RNF111: variants seen among roughly 807,000 people sequenced by gnomAD.
The protein encoded by RNF111 is ring finger protein 111.
Under a neutral mutation model 95.1 loss-of-function variants are expected in RNF111, and 17 were observed. The observed-to-expected ratio is 0.18, with a 90% CI of 0.12 to 0.27. The LOEUF (loss-of-function observed/expected upper bound fraction) is 0.27. Ranked by LOEUF, RNF111 falls within the 10% of genes least tolerant of loss-of-function variation. The pLI is 1.00. For missense variants in RNF111, 1,189 were observed against 1,210.4 expected, an observed-to-expected ratio of 0.98 and a Z score of 0.26; for synonymous variants, 440 against 414.8, an observed-to-expected ratio of 1.06 and a Z score of -0.74.
At chr15:59,062,600 T>C in intron 5 of RNF111, among the ~76,000 whole-genome samples, 1 of 152,244 alleles carries the variant, frequency 6.6e-6, no homozygotes, top group East Asian at 1.9e-4. Context: ...TACCCTCTAG[T>C]GGATAGCAAT....
chr15:59,008,000 A>G (rs2039618339), intron 1 of RNF111, among the ~76,000 whole-genome samples: 1 of 151,892 alleles, frequency 6.6e-6, no homozygotes, highest in African/African-American at 2.4e-5. Context: ...GGAGGTTTTG[A>G]TTTTGATAAA....
intron 10 of RNF111, among the ~76,000 whole-genome samples, chr15:59,089,384 G>A (rs1266940840): frequency 2.0e-5 from 3 of 152,104 alleles, no homozygotes; most frequent in Non-Finnish European, 4.4e-5. Context: ...TTTTAATAAA[G>A]CTCTCTGAAA....
chr15:59,096,522 A>G lies in RNF111; in HGVS notation c.*1622A>G, dbSNP rs1283244746. 19 of 154,686 alleles carry G rather than the reference A, an allele frequency of 1.2e-4. No individual in the cohort carries two copies. Among genetic ancestry groups the G allele is most frequent in the African/African-American group, 4.3e-4 (18 of 41,682 alleles). The allele number at this position is 154,686 out of a possible 1,614,324, so 9.6% of individuals were successfully genotyped here. The stretch of plus-strand genomic sequence containing the variant: ...TGATCTCACTCAAATTGACATTTGC[A>G]TAATTTGACATTTATATTCATTCAG... On this transcript the variant is annotated 3_prime_UTR_variant, in exon 14 of 14. Transcript: ENST00000348370.
At chr15:58,992,232 A>G (rs187565046) in intron 1 of RNF111, among the ~76,000 whole-genome samples, 21 of 152,130 alleles carry the variant, frequency 1.4e-4, no homozygotes, top group African/African-American at 5.1e-4. Context: ...TTTAGTAGAA[A>G]CGGTTTTTCA....
intron 8 of RNF111, among the ~76,000 whole-genome samples, chr15:59,083,618 T>G (rs2078813273): frequency 6.6e-6 from 1 of 151,780 alleles, no homozygotes; most frequent in Admixed American, 6.6e-5. Flanking sequence ...TGAAAAAAAA[T>G]GCACAGGGTT....
At chr15:59,083,293 A>G (rs550901104) in intron 8 of RNF111, among the ~76,000 whole-genome samples, 1 of 152,154 alleles carries the variant, frequency 6.6e-6, no homozygotes, top group African/African-American at 2.4e-5. Context: ...CATGTCTGTA[A>G]TCCCAGCACT....
chr15:59,042,758 A>G (rs2141877299), intron 2 of RNF111, among the ~76,000 whole-genome samples: 1 of 152,132 alleles, frequency 6.6e-6, no homozygotes. Context: ...CTGTTTATGG[A>G]GTTTTTACTC....
intron 13 of RNF111, among the ~76,000 whole-genome samples, chr15:59,093,164 A>G (rs561834588): frequency 6.6e-6 from 1 of 152,284 alleles, no homozygotes; most frequent in East Asian, 1.9e-4. Flanking sequence ...TATACTGCCT[A>G]TTGTAGGGCC....
At chr15:59,023,764 G>A (rs949093728) in intron 1 of RNF111, among the ~76,000 whole-genome samples, 2 of 152,024 alleles carry the variant, frequency 1.3e-5, no homozygotes, top group Non-Finnish European at 2.9e-5. Context: ...AATGCCTATA[G>A]TGTTTCACTA....
chr15:58,997,882 GT>G (rs1175791345), intron 1 of RNF111, among the ~76,000 whole-genome samples: 15 of 151,144 alleles, frequency 9.9e-5, no homozygotes, highest in African/African-American at 2.7e-4. Flanking sequence ...GTGTGTATGT[GT>G]TTTTTTTGTT....
At chr15:59,085,826 G>T (rs895913033) in intron 10 of RNF111, 41 bp downstream of exon 10, 1 of 1,568,346 alleles carries the variant, frequency 6.4e-7, no homozygotes. Flanking sequence ...TGTTCTAAAA[G>T]TTCCTTTTCT....
Position 59,066,343 on chromosome 15 carries a change from G to A in RNF111, c.1367-421G>A, listed in dbSNP as rs139227387. ...TGGCACTATCAGCCGGGGTGTGGTG[G>A]CTCACGCCTGTAATCCCAGCACTTT... On this transcript the variant is annotated intron_variant, in intron 5 of 13. Transcript: ENST00000348370. Among the ~76,000 whole-genome samples the A allele has an allele frequency of 1.2e-4, 18 of 152,288 alleles. No homozygotes were observed. In the East Asian group the frequency reaches 3.5e-3, roughly 29 times the overall value.
At position 59,028,380 on chromosome 15, in the gene RNF111, G is replaced by GT. The variant is rs546399306; in HGVS notation, c.-19-2414dup. Among the ~76,000 whole-genome samples the GT allele has an allele frequency of 2.8e-3, 422 of 148,396 alleles. 1 individual carries two copies. Among genetic ancestry groups the GT allele is most frequent in the African/African-American group, 8.1e-3 (327 of 40,546 alleles). Reference sequence around the variant, plus strand: ...CAGTGGATGCCTGAAACCATATAGTGTTTTTTTTTTCATATACCTACATGC... The same window carrying GT: ...CAGTGGATGCCTGAAACCATATAGTGTTTTTTTTTTTCATATACCTACATGC... On this transcript the variant is annotated intron_variant, in intron 1 of 13. Transcript: ENST00000348370.
rs746740966 is a variant in RNF111, at chr15:59,085,798, A to G, written c.2550+13A>G. 27 of 1,609,350 alleles carry G rather than the reference A, an allele frequency of 1.7e-5. No homozygotes were observed. Among genetic ancestry groups the G allele is most frequent in the Non-Finnish European group, 2.2e-5 (26 of 1,177,536 alleles). ...TCTTCCTTTAATGGTAAAATGGAAA[A>G]TTTTCAAAATTTTGACATGTTCTAA... On this transcript the variant is annotated intron_variant, in intron 10 of 13. Coordinates refer to ENST00000348370, the MANE Select transcript of RNF111 (RefSeq NM_017610.8).
intron 1 of RNF111, among the ~76,000 whole-genome samples, chr15:59,021,548 T>C (rs1203481551): frequency 6.6e-6 from 1 of 152,200 alleles, no homozygotes; most frequent in East Asian, 1.9e-4. Context: ...TTTAGGAAAG[T>C]AATTAATAAT....
Position 59,031,238 on chromosome 15 carries a change from C to A in RNF111, c.416C>A (p.Ser139Tyr), listed in dbSNP as rs1222829657. ...DNDSSFSDCLSSPSSSLHFGD... is the reference protein window; with the variant it reads ...DNDSSFSDCLYSPSSSLHFGD... The stretch of plus-strand genomic sequence containing the variant: ...GATTCCTCTTTTAGTGATTGTCTTT[C>A]TTCTCCTTCATCTAGTCTGCATTTT... The change falls in exon 2 of 14, where the codon TCT (serine) becomes TAT (tyrosine). Residue 139 changes from serine to tyrosine, a missense_variant. Coordinates refer to ENST00000348370, the MANE Select transcript of RNF111 (RefSeq NM_017610.8). The A allele has an allele frequency of 1.2e-6, 2 of 1,614,034 alleles. No homozygotes were observed. Among genetic ancestry groups the A allele is most frequent in the Admixed American group, 1.7e-5 (1 of 59,994 alleles).
Position 59,091,050 on chromosome 15 carries a change from C to T in RNF111, c.2644-9C>T. On this transcript the variant is annotated splice_polypyrimidine_tract_variant and intron_variant, in intron 11 of 13. Coordinates refer to ENST00000348370, the MANE Select transcript of RNF111 (RefSeq NM_017610.8). ...GGCTTTTACCAGTCATTATATTCTT[C>T]ACTTTCAGGAACTGATTCATTTGGA... The T allele has an allele frequency of 6.4e-7, 1 of 1,559,384 alleles. No homozygotes were observed. Among genetic ancestry groups the T allele is most frequent in the Non-Finnish European group, 8.8e-7 (1 of 1,133,122 alleles).
At chr15:59,049,089 A>G (rs1043045515) in intron 2 of RNF111, among the ~76,000 whole-genome samples, 4 of 152,120 alleles carry the variant, frequency 2.6e-5, no homozygotes, top group Non-Finnish European at 4.4e-5. Context: ...TCTCACACAC[A>G]CACAAAAAAG....
chr15:59,029,911 T>G (rs1393106041), intron 1 of RNF111, among the ~76,000 whole-genome samples: 2 of 152,246 alleles, frequency 1.3e-5, no homozygotes, highest in Non-Finnish European at 2.9e-5. Context: ...TAACATTGTT[T>G]ATTCATGTTT....
Sources: gnomAD v4.1 joint callset for allele counts (sites outside exome capture counted in the v4.1 genomes callset) on GRCh38, gnomAD v4.1.1 for gene constraint, MANE v1.5 for transcripts, NCBI Gene and HGNC (gene_info 2026-07-23, HGNC 2026-07-21) for gene names.